Variants in LARS2 observed in about 807,000 individuals in gnomAD.
LARS2 encodes leucyl-tRNA synthetase 2, mitochondrial.
In LARS2, 81 loss-of-function variants were observed where a neutral mutation model predicts 116.6. That is an observed-to-expected ratio of 0.69 (90% confidence interval 0.58 to 0.84). The LOEUF (loss-of-function observed/expected upper bound fraction) is 0.84. LARS2 is among the 40% of genes least tolerant of loss of function. The pLI, the probability that LARS2 is intolerant of heterozygous loss-of-function variation, is 0.00. For missense variants in LARS2, 968 were observed against 1,114.5 expected, an observed-to-expected ratio of 0.87 and a Z score of 1.87; for synonymous variants, 396 against 407.2, an observed-to-expected ratio of 0.97 and a Z score of 0.33.
At chr3:45,487,226 A>T (rs759972917) in intron 11 of LARS2, among the ~76,000 whole-genome samples, 31 of 152,338 alleles carry the variant, frequency 2.0e-4, no homozygotes, top group Middle Eastern at 3.4e-3. Context: ...GTAGTAAATG[A>T]CTATTTTCCT....
At chr3:45,421,767 A>G (rs557092346) in intron 6 of LARS2, 1 of 152,422 alleles carries the variant, frequency 6.6e-6, no homozygotes, top group South Asian at 2.1e-4. Flanking sequence ...TTGTAGGCAT[A>G]TAATACATCT....
At chr3:45,540,833 T>TGGACTGCAGTGGGGGAATCATAGC (rs1700784022) in intron 20 of LARS2, among the ~76,000 whole-genome samples, 2 of 152,090 alleles carry the variant, frequency 1.3e-5, no homozygotes, top group South Asian at 4.1e-4. Flanking sequence ...TCACCCAGAT[T>TGGACTGCAGTGGGGGAATCATAGC]GGACTGCAGT....
chr3:45,533,312 A>C (rs1178037601), intron 20 of LARS2, among the ~76,000 whole-genome samples: 2 of 151,716 alleles, frequency 1.3e-5, no homozygotes, highest in East Asian at 3.9e-4. Flanking sequence ...CACCATACCC[A>C]GCTAATTTTT....
At chr3:45,406,866 G>T (rs1040850064) in intron 4 of LARS2, among the ~76,000 whole-genome samples, 12 of 152,186 alleles carry the variant, frequency 7.9e-5, no homozygotes, top group Admixed American at 1.3e-4. Flanking sequence ...AATGCCTGAT[G>T]ACATATTTAA....
chr3:45,474,668 A>G (rs1394573178), intron 9 of LARS2, among the ~76,000 whole-genome samples: 1 of 152,216 alleles, frequency 6.6e-6, no homozygotes, highest in Non-Finnish European at 1.5e-5. Context: ...AGTACACATT[A>G]GCCATATTTC....
intron 7 of LARS2, among the ~76,000 whole-genome samples, chr3:45,456,179 G>A (rs965238): frequency 0.53 from 80,457 of 151,952 alleles, 25,091 homozygotes; most frequent in East Asian, 0.68. Context: ...AGTAAGTGAG[G>A]TGATGGGTAT....
At chr3:45,487,094 A>G (rs1699827835) in intron 11 of LARS2, among the ~76,000 whole-genome samples, 1 of 152,180 alleles carries the variant, frequency 6.6e-6, no homozygotes, top group Non-Finnish European at 1.5e-5. Context: ...TTCACATTCA[A>G]CTGAGCACAA....
At chr3:45,493,486 A>G (rs1366363087) in intron 13 of LARS2, among the ~76,000 whole-genome samples, 3 of 152,176 alleles carry the variant, frequency 2.0e-5, no homozygotes, top group Admixed American at 6.5e-5. Flanking sequence ...GACTACAGGC[A>G]CCAGAGCCCA....
intron 20 of LARS2, among the ~76,000 whole-genome samples, chr3:45,533,141 C>CTT (rs3085466): frequency 0.021 from 1,056 of 51,020 alleles, 356 homozygotes; most frequent in African/African-American, 0.062. Flanking sequence ...CACATTAAGT[C>CTT]TTTTTTTTTT....
chr3:45,404,259 T>C (rs1324743517), intron 4 of LARS2, among the ~76,000 whole-genome samples: 2 of 152,234 alleles, frequency 1.3e-5, no homozygotes, highest in Non-Finnish European at 2.9e-5. Context: ...GGGTGTTCTC[T>C]AGGTTCTCCT....
chr3:45,424,271 A>G (rs954716728), intron 6 of LARS2, among the ~76,000 whole-genome samples: 3 of 152,230 alleles, frequency 2.0e-5, no homozygotes, highest in African/African-American at 7.2e-5. Context: ...CACATAACCT[A>G]ATGAACATAA....
chr3:45,538,579 C>G (rs146520551), intron 20 of LARS2: 1 of 152,196 alleles, frequency 6.6e-6, no homozygotes, highest in African/African-American at 2.4e-5. Flanking sequence ...CATTAGCAAG[C>G]GCAAAAGCCC....
At chr3:45,402,411 A>G (rs1698169118) in intron 4 of LARS2, among the ~76,000 whole-genome samples, 1 of 152,192 alleles carries the variant, frequency 6.6e-6, no homozygotes, top group Non-Finnish European at 1.5e-5. Context: ...GTAATCAGCA[A>G]ACCTACAAAT....
At chr3:45,538,077 C>T (rs367569989) in intron 20 of LARS2, among the ~76,000 whole-genome samples, 11 of 152,290 alleles carry the variant, frequency 7.2e-5, no homozygotes, top group African/African-American at 2.6e-4. Context: ...GTATTTTCCA[C>T]GCAAGTGTTA....
chr3:45,477,868 C>T (rs1699640382), intron 10 of LARS2, among the ~76,000 whole-genome samples: 1 of 152,158 alleles, frequency 6.6e-6, no homozygotes, highest in Admixed American at 6.5e-5. Context: ...TAGACAATGT[C>T]ATCCCAATTT....
Position 45,457,420 on chromosome 3 carries a change from T to C in LARS2, c.607-1323T>C, listed in dbSNP as rs9873433. On this transcript the variant is annotated intron_variant, in intron 7 of 21. Transcript: ENST00000645846. ...ACGGCTAGGCCTGGTGGCTCACGCC[T>C]GTAATCCCAATACTTTGGGAGGCCA... Among the ~76,000 whole-genome samples, 431 of 152,374 alleles carry C rather than the reference T, an allele frequency of 2.8e-3. 6 individuals are homozygous for C. Among genetic ancestry groups the C allele is most frequent in the African/African-American group, 9.8e-3 (408 of 41,594 alleles).
At chr3:45,448,330 A>G (rs1303695888) in intron 7 of LARS2, among the ~76,000 whole-genome samples, 1 of 152,200 alleles carries the variant, frequency 6.6e-6, no homozygotes, top group Non-Finnish European at 1.5e-5. Flanking sequence ...TCTGGCTGGT[A>G]GGGCCTGCTA....
In LARS2 at chr3:45,446,201, C is replaced by T. The variant is rs149372411; in HGVS notation, c.517-690C>T. On this transcript the variant is annotated intron_variant, in intron 6 of 21. Coordinates refer to ENST00000645846, the MANE Select transcript of LARS2 (RefSeq NM_015340.4). Reference sequence around the variant, plus strand: ...AACGTGACAGTATAGAGGTTTTATGCTTATTTGACTTTATCAACTGTAAAT... The same window carrying T: ...AACGTGACAGTATAGAGGTTTTATGTTTATTTGACTTTATCAACTGTAAAT... 2.9e-3 allele frequency among the ~76,000 whole-genome samples: 445 copies of T among 152,300 alleles called. 1 individual carries two copies. The highest frequency in any genetic ancestry group is 0.01 in the African/African-American group (426 of 41,564).
At position 45,403,112 on chromosome 3, in the gene LARS2, C is replaced by CAAAAA. The variant is rs1160287597; in HGVS notation, c.363+2754_363+2758dup. 8.4e-3 allele frequency among the ~76,000 whole-genome samples: 715 copies of CAAAAA among 84,978 alleles called. 1 individual carries two copies. The highest frequency in any genetic ancestry group is 9.6e-3 in the Non-Finnish European group (465 of 48,438). The allele number at this position is 84,978 out of a possible 152,430, so 55.7% of individuals were successfully genotyped here. A position where few individuals can be genotyped will look rare whatever the true frequency, so the allele number is the denominator to read the frequency against. Reference sequence around the variant, plus strand: ...AAGAGCGAAACTCCGTCTCCAAAGACAAAAAAAAAAAAAAAAAAAGAAAGA... The same window carrying CAAAAA: ...AAGAGCGAAACTCCGTCTCCAAAGACAAAAAAAAAAAAAAAAAAAAAAAAGAAAGA... On this transcript the variant is annotated intron_variant, in intron 4 of 21. Coordinates refer to ENST00000645846, the MANE Select transcript of LARS2 (RefSeq NM_015340.4).
Sources: allele counts gnomAD v4.1 joint callset (sites outside exome capture counted in the v4.1 genomes callset), GRCh38; gene constraint gnomAD v4.1.1; transcripts MANE v1.5; gene names NCBI Gene and HGNC (gene_info 2026-07-23, HGNC 2026-07-21).